Variants in SUCLG2 observed in about 807,000 individuals in gnomAD.
SUCLG2 encodes the protein succinate--CoA ligase [GDP-forming] subunit beta, mitochondrial.
A neutral mutation model predicts 47.9 loss-of-function variants in SUCLG2; 42 were observed. The observed-to-expected ratio is 0.88, with a 90% CI of 0.69 to 1.14. SUCLG2 has a LOEUF of 1.14. SUCLG2 is among the 50% of genes most tolerant of loss of function. The probability of loss-of-function intolerance (pLI) is 0.00; values close to 1 mark genes in which losing one functional copy is unlikely to be tolerated. For missense variants in SUCLG2, 571 were observed against 525.9 expected (o/e 1.09, Z -0.84); for synonymous variants, 195 against 197.3 (o/e 0.99, Z 0.10).
intron 9 of SUCLG2, among the ~76,000 whole-genome samples, chr3:67,411,933 G>C (rs1283188781): frequency 2.0e-5 from 3 of 152,112 alleles, no homozygotes; most frequent in Admixed American, 2.0e-4. Context: ...ATTTGAATTA[G>C]GGCTCCTCTG....
chr3:67,551,786 C>T (rs1439238175), intron 2 of SUCLG2, among the ~76,000 whole-genome samples: 1 of 152,134 alleles, frequency 6.6e-6, no homozygotes, highest in African/African-American at 2.4e-5. Context: ...TGGCTATGCA[C>T]CAGGAGCTAT....
intron 9 of SUCLG2, among the ~76,000 whole-genome samples, chr3:67,412,049 C>CA (rs1324388025): frequency 6.6e-6 from 1 of 151,882 alleles, no homozygotes; most frequent in African/African-American, 2.4e-5. Context: ...TCACTGTCAC[C>CA]AAAAAAACAT....
intron 4 of SUCLG2, among the ~76,000 whole-genome samples, chr3:67,524,267 G>A (rs1334882291): frequency 6.6e-6 from 1 of 152,186 alleles, no homozygotes; most frequent in Admixed American, 6.5e-5. Context: ...CGTCTTTGTG[G>A]AGTCCACCAG....
At chr3:67,432,766 T>A (rs541344814) in intron 9 of SUCLG2, among the ~76,000 whole-genome samples, 30 of 152,338 alleles carry the variant, frequency 2.0e-4, no homozygotes, top group Non-Finnish European at 4.4e-5. Context: ...TCTATCAGAA[T>A]ATAGAGAGAA....
At chr3:67,369,996 C>T (rs1260052351), downstream of SUCLG2, among the ~76,000 whole-genome samples, 1 of 152,014 alleles carries the variant, frequency 6.6e-6, no homozygotes, top group Non-Finnish European at 1.5e-5. Flanking sequence ...AATATTAATA[C>T]TTTTATTTTT....
intron 10 of SUCLG2, among the ~76,000 whole-genome samples, chr3:67,379,734 T>G (rs981327890): frequency 1.3e-5 from 2 of 152,226 alleles, no homozygotes; most frequent in African/African-American, 4.8e-5. Flanking sequence ...CTCTCTCCAC[T>G]GGGCTGACAC....
At chr3:67,384,870 A>T (rs1559640279) in intron 10 of SUCLG2, among the ~76,000 whole-genome samples, 1 of 152,228 alleles carries the variant, frequency 6.6e-6, no homozygotes, top group Non-Finnish European at 1.5e-5. Flanking sequence ...CTGCCAATAA[A>T]GAGAAGGTGG....
At chr3:67,626,601 G>C (rs1476641454) in intron 1 of SUCLG2, among the ~76,000 whole-genome samples, 3 of 151,910 alleles carry the variant, frequency 2.0e-5, no homozygotes, top group African/African-American at 7.3e-5. Flanking sequence ...GTTGAAGGAG[G>C]ACATAGCACA....
intron 9 of SUCLG2, among the ~76,000 whole-genome samples, chr3:67,403,182 T>C (rs543586803): frequency 3.5e-4 from 53 of 152,214 alleles, no homozygotes; most frequent in Non-Finnish European, 6.0e-4. Flanking sequence ...GGAAAAGCCT[T>C]CTTTTCTAAC....
chr3:67,465,258 T>C (rs1704442227), intron 9 of SUCLG2, among the ~76,000 whole-genome samples: 1 of 152,204 alleles, frequency 6.6e-6, no homozygotes, highest in Admixed American at 6.5e-5. Context: ...TTATCCAGAA[T>C]GAATTCAAAC....
At chr3:67,563,119 A>G (rs1470885012) in intron 2 of SUCLG2, among the ~76,000 whole-genome samples, 1 of 149,822 alleles carries the variant, frequency 6.7e-6, no homozygotes, top group Non-Finnish European at 1.5e-5. Context: ...ACATATATAC[A>G]TAATATATAA....
chr3:67,398,371 G>A (rs2106808265), intron 10 of SUCLG2, among the ~76,000 whole-genome samples: 2 of 151,422 alleles, frequency 1.3e-5, no homozygotes, highest in East Asian at 3.9e-4. Flanking sequence ...GACATGAACA[G>A]ACACTTCTCA....
chr3:67,496,063 T>C (rs1284060978), intron 8 of SUCLG2, 123 bp from the exon 9 acceptor site: 1 of 1,174,940 alleles, frequency 8.5e-7, no homozygotes, highest in African/African-American at 1.5e-5. Context: ...ATTTATATCC[T>C]GTTTGGAATT....
chr3:67,382,813 T>A (rs975612889), intron 10 of SUCLG2, among the ~76,000 whole-genome samples: 1 of 152,118 alleles, frequency 6.6e-6, no homozygotes, highest in Non-Finnish European at 1.5e-5. Context: ...TGGAAGTAAC[T>A]GAGTTTTTTT....
intron 2 of SUCLG2, among the ~76,000 whole-genome samples, chr3:67,605,399 T>C (rs944750768): frequency 4.6e-5 from 7 of 152,206 alleles, no homozygotes; most frequent in African/African-American, 1.7e-4. Flanking sequence ...ATTTCACTTT[T>C]AACCAACTAG....
At position 67,375,607 on chromosome 3, in the gene SUCLG2, T is replaced by C; in HGVS notation, c.*137A>G. The C allele has an allele frequency of 7.0e-7, 1 of 1,432,512 alleles. No individual in the cohort carries two copies. 88.7% of individuals were successfully genotyped at this position (1,432,512 alleles called of 1,614,324 possible). On this transcript the variant is annotated 3_prime_UTR_variant, in exon 11 of 11. Coordinates refer to ENST00000307227, the MANE Select transcript of SUCLG2 (RefSeq NM_003848.4). The stretch of plus-strand genomic sequence containing the variant: ...GATATCTTATTCCAGAAAACACAGA[T>C]TTAAGATTTTTCAGTGATTCTTGCC...
At chr3:67,500,865 C>G (rs1467762062) in intron 7 of SUCLG2, among the ~76,000 whole-genome samples, 1 of 152,200 alleles carries the variant, frequency 6.6e-6, no homozygotes. Context: ...TAGTTTCAAG[C>G]TGACCTTTGC....
chr3:67,642,751 T>C (rs1701122716), intron 1 of SUCLG2, among the ~76,000 whole-genome samples: 1 of 152,220 alleles, frequency 6.6e-6, no homozygotes, highest in Admixed American at 6.5e-5. Flanking sequence ...AGAATGTGCT[T>C]GATAAACATC....
intron 7 of SUCLG2, among the ~76,000 whole-genome samples, chr3:67,502,318 C>A (rs1380593876): frequency 2.6e-5 from 4 of 152,200 alleles, no homozygotes; most frequent in Admixed American, 1.3e-4. Flanking sequence ...AAACAAAGTG[C>A]TTTCCTATCT....
Sources: allele counts gnomAD v4.1 joint callset (sites outside exome capture counted in the v4.1 genomes callset), GRCh38; gene constraint gnomAD v4.1.1; transcripts MANE v1.5; gene names NCBI Gene and HGNC (gene_info 2026-07-23, HGNC 2026-07-21).